DKK2: variants seen among roughly 807,000 people sequenced by gnomAD.
DKK2 encodes dickkopf Wnt signaling pathway inhibitor 2.
DKK2 carries 11 observed loss-of-function variants against 28.1 expected under a neutral mutation model. The observed-to-expected ratio is 0.39, with a 90% CI of 0.25 to 0.65. DKK2 has a LOEUF of 0.65. Ranked by LOEUF, DKK2 falls within the 30% of genes least tolerant of loss-of-function variation. DKK2 has a pLI of 0.47. For synonymous variants in DKK2, 135 were observed against 126.5 expected (o/e 1.07, Z -0.45); for missense variants, 326 against 335.5 (o/e 0.97, Z 0.22).
chr4:106,964,293 A>G (rs761529551), intron 1 of DKK2, among the ~76,000 whole-genome samples: 2 of 152,140 alleles, frequency 1.3e-5, no homozygotes, highest in Non-Finnish European at 2.9e-5. Flanking sequence ...CGTATGTGGG[A>G]GATTAAAAAA....
chr4:106,992,206 T>C (rs769173587), intron 1 of DKK2, among the ~76,000 whole-genome samples: 5 of 152,226 alleles, frequency 3.3e-5, no homozygotes, highest in Admixed American at 6.5e-5. Context: ...TATTATTAGA[T>C]GAAAGATGTT....
At chr4:106,998,854 A>T (rs1723315193) in intron 1 of DKK2, among the ~76,000 whole-genome samples, 1 of 152,174 alleles carries the variant, frequency 6.6e-6, no homozygotes, top group African/African-American at 2.4e-5. Context: ...TTTTTATCTC[A>T]CAAATTGATT....
intron 1 of DKK2, among the ~76,000 whole-genome samples, chr4:106,948,741 T>C (rs1724814999): frequency 1.3e-5 from 2 of 152,190 alleles, no homozygotes; most frequent in Non-Finnish European, 2.9e-5. Context: ...TGGCATATAG[T>C]AGTCATTAAA....
chr4:106,925,890 G>A lies in DKK2; in HGVS notation c.282C>T (p.His94=), dbSNP rs374083904. ...CEVGRYCHSP[H]QGSSACMVCR... ...ACACCATGCAGGCCGATGATCCTTG[G>A]TGGGGACTGTGGCAATACCTCCCAA... The change falls in exon 2 of 4, where the codon CAC becomes CAT. Residue 94 remains histidine, a synonymous_variant. Transcript: ENST00000285311. 3.7e-6 allele frequency: 6 copies of A among 1,613,678 alleles called. No homozygotes were observed. In the African/African-American group the frequency reaches 8.0e-5, roughly 22 times the overall value.
At chr4:107,021,520 G>C (rs1441438343) in intron 1 of DKK2, among the ~76,000 whole-genome samples, 2 of 151,918 alleles carry the variant, frequency 1.3e-5, no homozygotes. Flanking sequence ...ATATATTTCA[G>C]CACATTTTCT....
At chr4:107,004,346 T>A (rs989702845) in intron 1 of DKK2, among the ~76,000 whole-genome samples, 64 of 152,150 alleles carry the variant, frequency 4.2e-4, no homozygotes, top group African/African-American at 1.5e-3. Context: ...GAAGAAAAAC[T>A]AATTGTGTTG....
chr4:106,990,662 T>G (rs1028805457), intron 1 of DKK2, among the ~76,000 whole-genome samples: 1 of 152,136 alleles, frequency 6.6e-6, no homozygotes, highest in Non-Finnish European at 1.5e-5. Flanking sequence ...TGGAAAGGTG[T>G]GCAGAATGTG....
chr4:107,025,434 A>G (rs758572497), intron 1 of DKK2, among the ~76,000 whole-genome samples: 4 of 152,228 alleles, frequency 2.6e-5, no homozygotes, highest in African/African-American at 4.8e-5. Context: ...ACTGTAAGAG[A>G]GTTTATTTTT....
intron 1 of DKK2, among the ~76,000 whole-genome samples, chr4:107,010,176 T>C (rs1043132345): frequency 1.3e-5 from 2 of 151,720 alleles, no homozygotes; most frequent in African/African-American, 4.8e-5. Context: ...TAATACAATA[T>C]TTATACTCAT....
At chr4:106,991,849 C>T (rs998799776) in intron 1 of DKK2, among the ~76,000 whole-genome samples, 1 of 152,200 alleles carries the variant, frequency 6.6e-6, no homozygotes, top group African/African-American at 2.4e-5. Flanking sequence ...ATTTGGCCTA[C>T]ACCATCAGCT....
rs565009843 is a variant in DKK2 at position 106,965,203 on chromosome 4, C to A, written c.223-39254G>T. ...ATTTTGTTTCTTGATATTTAAACAC[C>A]ACATAGGATAGAAGTTTCAAAGATA... On this transcript the variant is annotated intron_variant, in intron 1 of 3. Transcript: ENST00000285311. Among the ~76,000 whole-genome samples, 64 of 151,846 alleles carry A rather than the reference C, an allele frequency of 4.2e-4. 1 individual carries two copies. Among genetic ancestry groups the A allele is most frequent in the African/African-American group, 1.4e-3 (60 of 41,482 alleles).
intron 1 of DKK2, among the ~76,000 whole-genome samples, chr4:106,983,355 A>AGAAG (rs1413187458): frequency 2.8e-5 from 4 of 140,844 alleles, no homozygotes; most frequent in Non-Finnish European, 6.2e-5. Context: ...AAAGAAAGAA[A>AGAAG]GAAAGAAAGA....
intron 1 of DKK2, among the ~76,000 whole-genome samples, chr4:106,946,317 AAAC>A (rs1724775020): frequency 1.3e-5 from 2 of 152,266 alleles, no homozygotes; most frequent in South Asian, 4.1e-4. Flanking sequence ...TCTCTTAAAG[AAAC>A]AACAAGTATT....
intron 1 of DKK2, among the ~76,000 whole-genome samples, chr4:106,961,029 C>G (rs1432409890): frequency 5.9e-5 from 9 of 152,098 alleles, no homozygotes. Flanking sequence ...TTTCTCTTCT[C>G]TCTTTTTATC....
chr4:106,973,935 G>T (rs932472690), intron 1 of DKK2, among the ~76,000 whole-genome samples: 5 of 152,150 alleles, frequency 3.3e-5, no homozygotes, highest in Non-Finnish European at 5.9e-5. Context: ...AAGGGGTCCG[G>T]TTTCAGTTTT....
intron 1 of DKK2, among the ~76,000 whole-genome samples, chr4:106,945,489 T>C (rs1427865456): frequency 6.6e-6 from 1 of 152,120 alleles, no homozygotes; most frequent in Non-Finnish European, 1.5e-5. Flanking sequence ...ATAGAGCTTT[T>C]TGTCTTCAAA....
intron 1 of DKK2, among the ~76,000 whole-genome samples, chr4:106,968,104 G>T (rs1314087400): frequency 1.3e-5 from 2 of 149,672 alleles, no homozygotes; most frequent in East Asian, 4.0e-4. Flanking sequence ...AAGGGAGAAA[G>T]GTGGAGAAAA....
chr4:106,956,338 A>G (rs1402224389), intron 1 of DKK2, among the ~76,000 whole-genome samples: 1 of 152,144 alleles, frequency 6.6e-6, no homozygotes, highest in East Asian at 1.9e-4. Flanking sequence ...AAGGTAATTT[A>G]TAGATTCAAT....
intron 1 of DKK2, among the ~76,000 whole-genome samples, chr4:106,961,403 T>C (rs1722682123): frequency 6.6e-6 from 1 of 152,146 alleles, no homozygotes; most frequent in Non-Finnish European, 1.5e-5. Context: ...TTTAACACCA[T>C]ATTAATTTTC....
Sources: gnomAD v4.1 joint callset for allele counts (sites outside exome capture counted in the v4.1 genomes callset) on GRCh38, gnomAD v4.1.1 for gene constraint, MANE v1.5 for transcripts, NCBI Gene and HGNC (gene_info 2026-07-23, HGNC 2026-07-21) for gene names.